CASD1: variants seen among roughly 807,000 people sequenced by gnomAD.
The protein encoded by CASD1 is N-acetylneuraminate (7)9-O-acetyltransferase.
A neutral mutation model predicts 100.0 loss-of-function variants in CASD1; 41 were observed. That is an observed-to-expected ratio of 0.41 (90% confidence interval 0.32 to 0.53). CASD1 has a LOEUF of 0.53. CASD1 is among the 20% of genes least tolerant of loss of function. The probability of loss-of-function intolerance (pLI) is 0.25; values close to 1 mark genes in which losing one functional copy is unlikely to be tolerated. For missense variants in CASD1, 774 were observed against 948.7 expected (o/e 0.82, Z 2.42); for synonymous variants, 321 against 315.6 (o/e 1.02, Z -0.18).
chr7:94,546,142 C>G (rs897086607), intron 12 of CASD1, among the ~76,000 whole-genome samples: 1 of 151,784 alleles, frequency 6.6e-6, no homozygotes, highest in African/African-American at 2.4e-5. Flanking sequence ...TATTTCTTTG[C>G]AAAAGTCTTC....
At chr7:94,604,735 T>C in the CASD1 span, among the ~76,000 whole-genome samples, 1 of 142,328 alleles carries the variant, frequency 7.0e-6, no homozygotes, top group African/African-American at 2.6e-5. Context: ...AAATTTATGG[T>C]CTTGAGGCAT....
chr7:94,564,703 G>A, the CASD1 span, among the ~76,000 whole-genome samples: 3 of 152,054 alleles, frequency 2.0e-5, no homozygotes, highest in Non-Finnish European at 1.5e-5. Context: ...CTTTGCGTGC[G>A]CCCACTCTGA....
intron 3 of CASD1, among the ~76,000 whole-genome samples, chr7:94,525,555 AAG>A (rs1224134370): frequency 1.4e-4 from 21 of 152,350 alleles, no homozygotes; most frequent in Admixed American, 6.5e-4. Flanking sequence ...AAAAAGAAGA[AAG>A]AGATCGAGTT....
At chr7:94,604,858 T>TATATATATAA in the CASD1 span, among the ~76,000 whole-genome samples, 28 of 75,208 alleles carry the variant, frequency 3.7e-4, no homozygotes, top group Non-Finnish European at 6.1e-4. Flanking sequence ...TATATATATA[T>TATATATATAA]AATAGTTGTT....
chr7:94,600,257 A>G, the CASD1 span: 1 of 210,056 alleles, frequency 4.8e-6, no homozygotes, highest in South Asian at 8.1e-5. Flanking sequence ...AATGATTTCA[A>G]GAGTTTTGAC....
At chr7:94,586,873 G>A in the CASD1 span, 6 of 985,014 alleles carry the variant, frequency 6.1e-6, no homozygotes, top group African/African-American at 8.7e-5. Flanking sequence ...AAATGCTAGG[G>A]TGGTCTCTCT....
the CASD1 span, chr7:94,585,664 G>GT: frequency 4.7e-6 from 3 of 637,568 alleles, no homozygotes; most frequent in South Asian, 2.2e-5. Flanking sequence ...TCTGTATTTG[G>GT]TTTTTTTAAA....
the CASD1 span, chr7:94,588,462 A>G: frequency 7.4e-7 from 1 of 1,352,892 alleles, no homozygotes; most frequent in Non-Finnish European, 9.5e-7. Context: ...CAGGACCTCC[A>G]TGGATGCTTT....
the CASD1 span, chr7:94,603,261 A>C: frequency 6.3e-7 from 1 of 1,583,316 alleles, no homozygotes; most frequent in Non-Finnish European, 8.7e-7. Flanking sequence ...ATTTTTAACT[A>C]AACTTGCAAA....
At position 94,518,325 on chromosome 7, in the gene CASD1, TA is replaced by T; in HGVS notation, c.351+6del. ...CAATTCAAAGAAGAAGGAAATAAGG[TA>T]AAACTTGTCTATTCCCTTCTGTAGA... On this transcript the variant is annotated splice_donor_region_variant and intron_variant, in intron 3 of 17. Coordinates refer to ENST00000297273, the MANE Select transcript of CASD1 (RefSeq NM_022900.5). 1 of 1,571,730 alleles carries T rather than the reference TA, an allele frequency of 6.4e-7. No homozygotes were observed. Among genetic ancestry groups the T allele is most frequent in the Non-Finnish European group, 8.6e-7 (1 of 1,159,298 alleles).
In CASD1 at chr7:94,510,013, C is replaced by T. The variant is rs1793606448; in HGVS notation, c.-72C>T. ...GCTCCTCGCCTGGCTGCAGCGGCGG[C>T]AGCCCCAGTGCTGCCCCTGTGCGGC... On this transcript the variant is annotated 5_prime_UTR_variant, in exon 1 of 18. Transcript: ENST00000297273. The T allele has an allele frequency of 2.3e-6, 3 of 1,315,864 alleles. No individual in the cohort carries two copies. The highest frequency in any genetic ancestry group is 3.0e-5 in the African/African-American group (2 of 65,648). 81.5% of individuals were successfully genotyped at this position (1,315,864 alleles called of 1,614,324 possible).
chr7:94,524,486 T>C (rs373207373), intron 3 of CASD1, among the ~76,000 whole-genome samples: 3 of 152,172 alleles, frequency 2.0e-5, no homozygotes, highest in African/African-American at 4.8e-5. Flanking sequence ...GCAAGAAATA[T>C]GAAAACAGAC....
At chr7:94,535,064 A>G (rs34434257) in intron 7 of CASD1, among the ~76,000 whole-genome samples, 20 of 152,228 alleles carry the variant, frequency 1.3e-4, no homozygotes, top group Admixed American at 3.9e-4. Context: ...ATCTGTGTAC[A>G]TAAAGATGGG....
intron 7 of CASD1, among the ~76,000 whole-genome samples, chr7:94,534,165 T>C: frequency 7.2e-6 from 1 of 138,614 alleles, no homozygotes; most frequent in East Asian, 2.0e-4. Context: ...CATAATTTTT[T>C]TTTTTTTTTT....
chr7:94,633,145 C>T, the CASD1 span, among the ~76,000 whole-genome samples: 7 of 151,928 alleles, frequency 4.6e-5, no homozygotes, highest in African/African-American at 9.7e-5. Flanking sequence ...CAATCTTCTA[C>T]GGCTGCAAAT....
At chr7:94,539,176 C>T in intron 10 of CASD1, 120 bp downstream of exon 10, 2 of 432,708 alleles carry the variant, frequency 4.6e-6, no homozygotes, top group Non-Finnish European at 8.1e-6. Context: ...CTTCTTATTT[C>T]CCACTTAATC....
chr7:94,606,049 G>T, the CASD1 span, among the ~76,000 whole-genome samples: 243 of 151,974 alleles, frequency 1.6e-3, 1 homozygote, highest in African/African-American at 5.7e-3. Flanking sequence ...GGCTGGTCTC[G>T]AACTCCTGAC....
chr7:94,584,393 C>A, the CASD1 span, among the ~76,000 whole-genome samples: 1 of 152,160 alleles, frequency 6.6e-6, no homozygotes, highest in Non-Finnish European at 1.5e-5. Flanking sequence ...CAGCAAGTGG[C>A]AATGCCCTAG....
chr7:94,587,889 A>C, the CASD1 span: 2 of 1,497,866 alleles, frequency 1.3e-6, no homozygotes, highest in Non-Finnish European at 8.9e-7. Flanking sequence ...ATGTGCCTGA[A>C]GTTTTTAAGA....
Sources: allele counts gnomAD v4.1 joint callset (sites outside exome capture counted in the v4.1 genomes callset), GRCh38; gene constraint gnomAD v4.1.1; transcripts MANE v1.5; gene names NCBI Gene and HGNC (gene_info 2026-07-23, HGNC 2026-07-21).